Variants in SLC14A2 observed in about 807,000 individuals in gnomAD.
SLC14A2 encodes the protein urea transporter 2.
Under a neutral mutation model 104.6 loss-of-function variants are expected in SLC14A2, and 91 were observed. The observed-to-expected ratio is 0.87, with a 90% confidence interval of 0.73 to 1.04. SLC14A2 has a LOEUF of 1.04. Ranked by LOEUF, SLC14A2 falls within the 50% of genes least tolerant of loss-of-function variation. The probability of loss-of-function intolerance (pLI) is 0.00; values close to 1 mark genes in which losing one functional copy is unlikely to be tolerated. For synonymous variants in SLC14A2, 476 were observed against 466.4 expected, an observed-to-expected ratio of 1.02 and a Z score of -0.27; for missense variants, 1,189 against 1,156.0, an observed-to-expected ratio of 1.03 and a Z score of -0.41.
At chr18:45,300,039 A>G (rs983139804) in intron 1 of SLC14A2, among the ~76,000 whole-genome samples, 3 of 152,170 alleles carry the variant, frequency 2.0e-5, no homozygotes, top group African/African-American at 7.2e-5. Context: ...CCTCTCAGAC[A>G]TCTTGATCAG....
chr18:45,445,529 C>T lies in SLC14A2; in HGVS notation c.-124-37704C>T, dbSNP rs141061673. 4.0e-3 allele frequency among the ~76,000 whole-genome samples: 607 copies of T among 152,306 alleles called. 7 individuals are homozygous for T. The highest frequency in any genetic ancestry group is 0.035 in the Admixed American group (538 of 15,304). Reference sequence around the variant, plus strand: ...TCTGTGGTGGTCTTTTCTTCACTTGCTGTGTAAACTTGGGGAGATTGCCCA... The same window carrying T: ...TCTGTGGTGGTCTTTTCTTCACTTGTTGTGTAAACTTGGGGAGATTGCCCA... On this transcript the variant is annotated intron_variant, in intron 1 of 20. Transcript: ENST00000586448.
At chr18:45,169,367 A>C in the SLC14A2 span, among the ~76,000 whole-genome samples, 3 of 152,158 alleles carry the variant, frequency 2.0e-5, no homozygotes, top group African/African-American at 7.2e-5. Flanking sequence ...AGGCTACTGC[A>C]TGTGCGCTTA....
At chr18:45,351,486 C>G (rs915150159) in intron 1 of SLC14A2, among the ~76,000 whole-genome samples, 1 of 152,128 alleles carries the variant, frequency 6.6e-6, no homozygotes, top group Non-Finnish European at 1.5e-5. Flanking sequence ...CCCCAAGTAG[C>G]TGGGACTACA....
At chr18:45,422,574 G>A (rs552469675) in intron 1 of SLC14A2, among the ~76,000 whole-genome samples, 2 of 152,072 alleles carry the variant, frequency 1.3e-5, no homozygotes, top group Non-Finnish European at 2.9e-5. Flanking sequence ...CCAGGGAGAG[G>A]GGCAGATTCA....
intron 2 of SLC14A2, among the ~76,000 whole-genome samples, chr18:45,625,050 C>A (rs2045237393): frequency 6.6e-6 from 1 of 152,186 alleles, no homozygotes; most frequent in African/African-American, 2.4e-5. Context: ...GTCTTTCAAT[C>A]AGTCTCTAAA....
chr18:45,420,458 G>C (rs764299881), intron 1 of SLC14A2, among the ~76,000 whole-genome samples: 19 of 152,190 alleles, frequency 1.2e-4, no homozygotes, highest in Non-Finnish European at 2.5e-4. Flanking sequence ...AAGGGGGCAT[G>C]TCTTGGAGGT....
rs547389852 is a variant in SLC14A2 at position 45,214,567 on chromosome 18, A to C, written c.-125+1376A>C. Among the ~76,000 whole-genome samples, 9 of 152,228 alleles carry C rather than the reference A, an allele frequency of 5.9e-5. No homozygotes were observed. The East Asian group carries it at 1.7e-3, about 29-fold the overall frequency. On this transcript the variant is annotated intron_variant, in intron 1 of 20. Coordinates refer to the SLC14A2 transcript ENST00000586448. ...TTGTTACTGCTTAGAAATCATTGTG[A>C]CTACATTGGTCTTTATCGATAATTT...
At chr18:45,572,789 C>CACTT (rs773030264) in intron 2 of SLC14A2, among the ~76,000 whole-genome samples, 19 of 152,130 alleles carry the variant, frequency 1.2e-4, no homozygotes, top group Non-Finnish European at 2.6e-4. Context: ...TGGGCTGTAA[C>CACTT]ACTTACAAAT....
chr18:45,654,665 T>C lies in SLC14A2; in HGVS notation c.1352-9120T>C, dbSNP rs371970374. ...AAGCTTCGAGCTGGGTAGGCTTTAA[T>C]AGATGAGGAAACCACGGCTTGTACA... On this transcript the variant is annotated intron_variant, in intron 10 of 19. Coordinates refer to ENST00000255226, the MANE Select transcript of SLC14A2 (RefSeq NM_007163.4). 4.7e-4 allele frequency among the ~76,000 whole-genome samples: 71 copies of C among 152,284 alleles called. 1 individual carries two copies. In the South Asian group the frequency reaches 5.6e-3, roughly 12 times the overall value.
At chr18:45,249,416 T>C (rs1271609717) in intron 1 of SLC14A2, among the ~76,000 whole-genome samples, 1 of 152,022 alleles carries the variant, frequency 6.6e-6, no homozygotes, top group Non-Finnish European at 1.5e-5. Flanking sequence ...TTTCTAAGCA[T>C]TGTTTTTTTT....
At chr18:45,367,641 T>G (rs1278559632) in intron 1 of SLC14A2, among the ~76,000 whole-genome samples, 1 of 152,166 alleles carries the variant, frequency 6.6e-6, no homozygotes, top group Non-Finnish European at 1.5e-5. Flanking sequence ...GTTGTGAACA[T>G]CATTCCCCAA....
At chr18:45,282,666 G>T (rs1357521493) in intron 1 of SLC14A2, among the ~76,000 whole-genome samples, 1 of 152,136 alleles carries the variant, frequency 6.6e-6, no homozygotes, top group Non-Finnish European at 1.5e-5. Context: ...GCTGTGTGAG[G>T]CTGGACAGTG....
intron 1 of SLC14A2, among the ~76,000 whole-genome samples, chr18:45,266,345 C>A (rs558512275): frequency 1.3e-5 from 2 of 152,250 alleles, no homozygotes; most frequent in South Asian, 4.2e-4. Flanking sequence ...GGGTTCCTCT[C>A]CCACTCACAT....
At position 45,682,632 on chromosome 18, in the gene SLC14A2, C is replaced by A; in HGVS notation, c.*113C>A. The A allele has an allele frequency of 1.2e-6, 1 of 828,572 alleles. No homozygotes were observed. 51.3% of individuals were successfully genotyped at this position (828,572 alleles called of 1,614,324 possible). A position where few individuals can be genotyped will look rare whatever the true frequency, so the allele number is the denominator to read the frequency against. ...TTGGTCTGTTCTGTGACTCTCTCCC[C>A]AAACACAAAGAAGCGTGTATGTAGT... On this transcript the variant is annotated 3_prime_UTR_variant, in exon 20 of 20. Transcript: ENST00000255226.
At chr18:45,497,693 T>C (rs1309227935) in intron 2 of SLC14A2, among the ~76,000 whole-genome samples, 1 of 152,154 alleles carries the variant, frequency 6.6e-6, no homozygotes, top group African/African-American at 2.4e-5. Context: ...GTGTTCCCAT[T>C]GAGAAGGGAG....
intron 4 of SLC14A2, among the ~76,000 whole-genome samples, 156 bp from the exon 5 acceptor site, chr18:45,632,194 A>C (rs1011977543): frequency 6.6e-6 from 1 of 151,928 alleles, no homozygotes; most frequent in South Asian, 2.1e-4. Context: ...GCTGGCAGCT[A>C]TGTGACTGCC....
rs138048569 is a variant in SLC14A2 at position 45,258,985 on chromosome 18, A to T, written c.-125+45794A>T. On this transcript the variant is annotated intron_variant, in intron 1 of 20. Transcript: ENST00000586448. ...GTCTCATCCAGGAACTACCATTCTC[A>T]TTGGAGTGTGTCCCTTCATATGCTG... Among the ~76,000 whole-genome samples the T allele has an allele frequency of 2.5e-3, 384 of 152,312 alleles. 2 individuals carry two copies. The highest frequency in any genetic ancestry group is 8.4e-3 in the African/African-American group (350 of 41,564).
At chr18:45,496,506 C>T (rs781289844) in intron 2 of SLC14A2, among the ~76,000 whole-genome samples, 2 of 152,184 alleles carry the variant, frequency 1.3e-5, no homozygotes, top group Non-Finnish European at 2.9e-5. Flanking sequence ...TGCAGTGGCT[C>T]ACGCCTGTAA....
chr18:45,643,253 G>A, intron 9 of SLC14A2, 72 bp downstream of exon 9: 1 of 1,385,996 alleles, frequency 7.2e-7, no homozygotes, highest in Non-Finnish European at 1.0e-6. Flanking sequence ...GGGGTTGTGG[G>A]GTCTGGGAAA....
Sources: gnomAD v4.1 joint callset for allele counts (sites outside exome capture counted in the v4.1 genomes callset) on GRCh38, gnomAD v4.1.1 for gene constraint, MANE v1.5 for transcripts, NCBI Gene and HGNC (gene_info 2026-07-23, HGNC 2026-07-21) for gene names.